Variants in SGCZ observed in about 807,000 individuals in gnomAD.
The protein encoded by SGCZ is zeta-sarcoglycan.
Under a neutral mutation model 41.3 loss-of-function variants are expected in SGCZ, and 40 were observed. The observed-to-expected ratio is 0.97, with a 90% CI of 0.75 to 1.26. SGCZ has a LOEUF of 1.26. SGCZ is among the 50% of genes most tolerant of loss of function. SGCZ has a pLI of 0.00. For missense variants in SGCZ, 552 were observed against 369.8 expected, an observed-to-expected ratio of 1.49 and a Z score of -4.04; for synonymous variants, 206 against 137.5, an observed-to-expected ratio of 1.50 and a Z score of -3.49.
At chr8:14,624,696 A>G (rs1194148039) in intron 1 of SGCZ, among the ~76,000 whole-genome samples, 1 of 150,228 alleles carries the variant, frequency 6.7e-6, no homozygotes, top group African/African-American at 2.5e-5. Flanking sequence ...TCAGCCTCCC[A>G]AGTAACTGGC....
chr8:14,299,178 T>G (rs1801110380), intron 3 of SGCZ, among the ~76,000 whole-genome samples: 1 of 152,062 alleles, frequency 6.6e-6, no homozygotes, highest in East Asian at 1.9e-4. Flanking sequence ...TAAATTGAAA[T>G]GGTTGATAGG....
At chr8:14,244,416 C>A (rs1353629458) in intron 3 of SGCZ, among the ~76,000 whole-genome samples, 1 of 152,128 alleles carries the variant, frequency 6.6e-6, no homozygotes, top group Non-Finnish European at 1.5e-5. Context: ...AATACTTGAC[C>A]CACTGAAGCT....
At chr8:14,553,824 TA>T (rs1803947435) in intron 2 of SGCZ, among the ~76,000 whole-genome samples, 2 of 152,066 alleles carry the variant, frequency 1.3e-5, no homozygotes, top group Admixed American at 6.6e-5. Flanking sequence ...TCAGTGAAGT[TA>T]AACAGCCAGC....
intron 1 of SGCZ, among the ~76,000 whole-genome samples, chr8:15,017,206 T>A (rs919750802): frequency 6.6e-6 from 1 of 152,180 alleles, no homozygotes; most frequent in Non-Finnish European, 1.5e-5. Flanking sequence ...CACAATTTAG[T>A]TGCCTCATCA....
At chr8:14,251,836 C>T (rs796067873) in intron 3 of SGCZ, among the ~76,000 whole-genome samples, 14 of 152,216 alleles carry the variant, frequency 9.2e-5, no homozygotes, top group African/African-American at 3.4e-4. Flanking sequence ...CTGCCTCAGC[C>T]TCCTGAGTGG....
rs138250216 is a variant in SGCZ at position 14,562,338 on chromosome 8, T to C, written c.40-7412A>G. Among the ~76,000 whole-genome samples, 11 of 152,166 alleles carry C rather than the reference T, an allele frequency of 7.2e-5. No individual in the cohort carries two copies. In the East Asian group the frequency reaches 1.3e-3, roughly 19 times the overall value. On this transcript the variant is annotated intron_variant, in intron 1 of 7. Transcript: ENST00000382080. The stretch of plus-strand genomic sequence containing the variant: ...AACTATTGGAAGGTAGAGGTCAAGA[T>C]TGATGCATTATGAATCTCACGTTTG...
intron 1 of SGCZ, among the ~76,000 whole-genome samples, chr8:14,588,754 G>T (rs1018125408): frequency 1.3e-5 from 2 of 152,110 alleles, no homozygotes; most frequent in Non-Finnish European, 2.9e-5. Context: ...AGTCTGTGTA[G>T]TCTAATAGAT....
At chr8:14,642,325 G>C (rs1159494064) in intron 1 of SGCZ, among the ~76,000 whole-genome samples, 1 of 151,450 alleles carries the variant, frequency 6.6e-6, no homozygotes, top group African/African-American at 2.4e-5. Context: ...AATTATATAA[G>C]AACTATACCA....
chr8:14,792,742 C>A (rs530477341), intron 1 of SGCZ, among the ~76,000 whole-genome samples: 1 of 152,002 alleles, frequency 6.6e-6, no homozygotes, highest in Non-Finnish European at 1.5e-5. Context: ...TCTCTTTAAG[C>A]ACCTAAAGGT....
At chr8:14,606,410 T>G (rs1224135762) in intron 1 of SGCZ, among the ~76,000 whole-genome samples, 1 of 152,172 alleles carries the variant, frequency 6.6e-6, no homozygotes, top group African/African-American at 2.4e-5. Context: ...AACTTGATCT[T>G]GGTGCAAGAT....
chr8:14,313,383 G>T (rs568989811), intron 3 of SGCZ, among the ~76,000 whole-genome samples: 2 of 152,180 alleles, frequency 1.3e-5, no homozygotes, highest in East Asian at 1.9e-4. Context: ...GCGCCATCTC[G>T]GCTCACTGCA....
rs74319705 is a variant in SGCZ, at chr8:14,210,355, G to C, written c.424+27237C>G. 2.3e-3 allele frequency among the ~76,000 whole-genome samples: 346 copies of C among 149,430 alleles called. 3 individuals are homozygous for C. The highest frequency in any genetic ancestry group is 7.9e-3 in the African/African-American group (323 of 40,642). Reference sequence around the variant, plus strand: ...ATTACAAGGGTGAGCCACCATGCCTGGCCATTATTAACACTGTTTTAAAAA... The same window carrying C: ...ATTACAAGGGTGAGCCACCATGCCTCGCCATTATTAACACTGTTTTAAAAA... On this transcript the variant is annotated intron_variant, in intron 4 of 7. Coordinates refer to ENST00000382080, the MANE Select transcript of SGCZ (RefSeq NM_139167.4).
At chr8:14,468,987 A>T (rs1200605895) in intron 2 of SGCZ, among the ~76,000 whole-genome samples, 1 of 151,974 alleles carries the variant, frequency 6.6e-6, no homozygotes, top group Non-Finnish European at 1.5e-5. Context: ...CCTTGTTTCC[A>T]CTATAATAAC....
At chr8:15,010,879 C>T (rs1340133290) in intron 1 of SGCZ, among the ~76,000 whole-genome samples, 2 of 152,174 alleles carry the variant, frequency 1.3e-5, no homozygotes, top group Non-Finnish European at 2.9e-5. Context: ...TGCACAGATG[C>T]TGCTCCCTAT....
intron 1 of SGCZ, among the ~76,000 whole-genome samples, chr8:14,913,003 AT>A (rs1799322782): frequency 6.6e-6 from 1 of 152,030 alleles, no homozygotes; most frequent in Non-Finnish European, 1.5e-5. Context: ...TGTTTGTCCT[AT>A]TTTATAAAAA....
At chr8:14,317,236 G>T (rs1028657692) in intron 3 of SGCZ, among the ~76,000 whole-genome samples, 1 of 151,988 alleles carries the variant, frequency 6.6e-6, no homozygotes, top group Non-Finnish European at 1.5e-5. Context: ...ACTGTGGTAA[G>T]GTTATATTGC....
At chr8:14,442,296 T>C (rs1003744993) in intron 2 of SGCZ, among the ~76,000 whole-genome samples, 2 of 152,166 alleles carry the variant, frequency 1.3e-5, no homozygotes, top group African/African-American at 2.4e-5. Context: ...TCATGAGATC[T>C]GATGGTTTTA....
intron 2 of SGCZ, among the ~76,000 whole-genome samples, chr8:14,404,839 T>G (rs1045940065): frequency 6.6e-6 from 1 of 152,202 alleles, no homozygotes; most frequent in African/African-American, 2.4e-5. Flanking sequence ...TTCCAGTTAG[T>G]TCTGGCCAAT....
chr8:15,042,794 T>G (rs1299919857), intron 1 of SGCZ, among the ~76,000 whole-genome samples: 1 of 152,144 alleles, frequency 6.6e-6, no homozygotes, highest in Non-Finnish European at 1.5e-5. Context: ...CTTCCTCTCT[T>G]TCCACATCAA....
Sources: gnomAD v4.1 joint callset for allele counts (sites outside exome capture counted in the v4.1 genomes callset) on GRCh38, gnomAD v4.1.1 for gene constraint, MANE v1.5 for transcripts, NCBI Gene and HGNC (gene_info 2026-07-23, HGNC 2026-07-21) for gene names.